Variants in CTNNA2 observed in about 807,000 individuals in gnomAD.
CTNNA2 encodes catenin alpha-2.
In CTNNA2, 42 loss-of-function variants were observed where a neutral mutation model predicts 101.0. The ratio of observed to expected loss-of-function variants is 0.42; its 90% CI spans 0.32 to 0.54. CTNNA2 has a LOEUF of 0.54. CTNNA2 is among the 20% of genes least tolerant of loss of function. The pLI is 0.14. For missense variants in CTNNA2, 871 were observed against 1,223.1 expected, an observed-to-expected ratio of 0.71 and a Z score of 4.29; for synonymous variants, 450 against 456.4, an observed-to-expected ratio of 0.99 and a Z score of 0.18.
intron 1 of CTNNA2, among the ~76,000 whole-genome samples, chr2:79,572,245 GTCTC>G (rs1558739824): frequency 6.6e-6 from 1 of 152,052 alleles, no homozygotes; most frequent in Admixed American, 6.6e-5. Context: ...GAGACTTGTG[GTCTC>G]CACCAGCTTC....
intron 7 of CTNNA2, among the ~76,000 whole-genome samples, chr2:79,951,269 A>G (rs1208801043): frequency 6.6e-6 from 1 of 152,220 alleles, no homozygotes; most frequent in African/African-American, 2.4e-5. Context: ...ATCAAAACAT[A>G]TACACAGCCA....
chr2:80,458,642 C>T (rs1684176311), intron 9 of CTNNA2, among the ~76,000 whole-genome samples: 1 of 152,120 alleles, frequency 6.6e-6, no homozygotes, highest in Non-Finnish European at 1.5e-5. Flanking sequence ...TAGCAGACTG[C>T]TTTCTGAAAA....
At chr2:79,767,894 C>T (rs923785939) in intron 3 of CTNNA2, among the ~76,000 whole-genome samples, 2 of 151,544 alleles carry the variant, frequency 1.3e-5, no homozygotes, top group African/African-American at 4.8e-5. Context: ...GCTGTGCAGC[C>T]TGGGGTTAGA....
chr2:79,858,928 C>T (rs548684995), intron 4 of CTNNA2, among the ~76,000 whole-genome samples: 11 of 151,676 alleles, frequency 7.3e-5, no homozygotes, highest in Non-Finnish European at 1.3e-4. Context: ...TCCTTGACTA[C>T]GGGTCGTTCT....
chr2:80,478,417 G>A (rs1488141058), intron 9 of CTNNA2, among the ~76,000 whole-genome samples: 7 of 151,900 alleles, frequency 4.6e-5, no homozygotes, highest in South Asian at 4.2e-4. Flanking sequence ...ATTTCTTTTC[G>A]TTTTTGTTAC....
intron 15 of CTNNA2, among the ~76,000 whole-genome samples, chr2:80,601,413 C>CTTTTTTTTTTTTTTT (rs1697501313): frequency 1.6e-5 from 1 of 61,856 alleles, no homozygotes; most frequent in African/African-American, 5.7e-5. Flanking sequence ...TTTTTTCTTT[C>CTTTTTTTTTTTTTTT]TTTCTTTCTT....
intron 15 of CTNNA2, among the ~76,000 whole-genome samples, chr2:80,589,889 TGTGTGTGTGTGTGTGTGC>T (rs1479188521): frequency 1.4e-5 from 2 of 147,338 alleles, no homozygotes; most frequent in Admixed American, 6.9e-5. Flanking sequence ...TGTGTGTGTG[TGTGTGTGTGTGTGTGTGC>T]GCGCGCGCGC....
rs543369053 is a variant in CTNNA2, at chr2:80,644,692, C to T, written c.2575-2893C>T. Among the ~76,000 whole-genome samples the T allele has an allele frequency of 6.6e-5, 10 of 152,262 alleles. 1 individual carries two copies. The South Asian group carries it at 1.7e-3, about 25-fold the overall frequency. ...TTTTAAAAGTCAAATTTTGTATTAACTTTAAATTGGGCTTATTGTTTGTGG... is the reference window on the plus strand; with the variant it reads ...TTTTAAAAGTCAAATTTTGTATTAATTTTAAATTGGGCTTATTGTTTGTGG... On this transcript the variant is annotated intron_variant, in intron 18 of 18. Coordinates refer to ENST00000402739, the MANE Select transcript of CTNNA2 (RefSeq NM_001282597.3).
At chr2:80,328,951 C>T (rs1237712632) in intron 7 of CTNNA2, among the ~76,000 whole-genome samples, 3 of 152,134 alleles carry the variant, frequency 2.0e-5, no homozygotes, top group Non-Finnish European at 4.4e-5. Context: ...TGTTCCATTA[C>T]AGTCTTATGG....
intron 7 of CTNNA2, among the ~76,000 whole-genome samples, chr2:80,096,664 G>T (rs1363496384): frequency 6.6e-6 from 1 of 152,052 alleles, no homozygotes; most frequent in Non-Finnish European, 1.5e-5. Flanking sequence ...GGTCACTAAG[G>T]ACTTGCTTTA....
chr2:79,687,034 C>T (rs972851130), intron 2 of CTNNA2, among the ~76,000 whole-genome samples: 21 of 152,218 alleles, frequency 1.4e-4, no homozygotes, highest in African/African-American at 4.3e-4. Flanking sequence ...TCAGACATCA[C>T]TTCATCAATT....
At chr2:79,859,062 C>A (rs1681375993) in intron 4 of CTNNA2, among the ~76,000 whole-genome samples, 1 of 151,836 alleles carries the variant, frequency 6.6e-6, no homozygotes, top group South Asian at 2.1e-4. Context: ...TACTCCATAC[C>A]CTCAGTGAAA....
intron 7 of CTNNA2, among the ~76,000 whole-genome samples, chr2:80,223,635 G>A (rs1383178920): frequency 1.3e-5 from 2 of 152,178 alleles, no homozygotes; most frequent in Non-Finnish European, 1.5e-5. Flanking sequence ...GAACACTCAA[G>A]AGTTCTGTGT....
In CTNNA2 at chr2:80,302,229, G is replaced by T. The variant is rs771868837; in HGVS notation, c.1057-90982G>T. ...TGCCCAGGCGTATTTGGTAGCGCAT[G>T]GGTTGAGAGCCACTGGGACAATCAC... On this transcript the variant is annotated intron_variant, in intron 7 of 18. Transcript: ENST00000402739. The surrounding 1 kb of genome is among the most constrained non-coding windows in gnomAD (Gnocchi z 6.4). The T allele has an allele frequency of 6.2e-7, 1 of 1,602,808 alleles. No individual in the cohort carries two copies. Among genetic ancestry groups the T allele is most frequent in the Non-Finnish European group, 8.5e-7 (1 of 1,174,128 alleles).
At chr2:80,198,580 A>G (rs1573366944) in intron 7 of CTNNA2, among the ~76,000 whole-genome samples, 1 of 152,198 alleles carries the variant, frequency 6.6e-6, no homozygotes, top group African/African-American at 2.4e-5. Context: ...GTGCTTTTCA[A>G]CATTCAATGT....
At chr2:80,434,670 A>T (rs1394381294) in intron 9 of CTNNA2, among the ~76,000 whole-genome samples, 1 of 151,682 alleles carries the variant, frequency 6.6e-6, no homozygotes, top group Admixed American at 6.6e-5. Flanking sequence ...TTTTGCCATG[A>T]TGCCTAGGCT....
chr2:79,392,315 G>A (rs1368738638), intron 4 of CTNNA2, among the ~76,000 whole-genome samples: 1 of 152,146 alleles, frequency 6.6e-6, no homozygotes, highest in African/African-American at 2.4e-5. Flanking sequence ...ATTTTGGGGT[G>A]AGGTTCAAAA....
At chr2:80,138,688 A>G (rs567590687) in intron 7 of CTNNA2, among the ~76,000 whole-genome samples, 10 of 152,258 alleles carry the variant, frequency 6.6e-5, no homozygotes, top group Admixed American at 5.2e-4. Context: ...TCCTGGGACC[A>G]TCTGCATGGT....
chr2:79,469,751 G>T (rs140453995), intron 4 of CTNNA2, among the ~76,000 whole-genome samples: 2 of 152,026 alleles, frequency 1.3e-5, no homozygotes, highest in East Asian at 1.9e-4. Context: ...ACATAATCCG[G>T]CATATAAACA....
Sources: gnomAD v4.1 joint callset for allele counts (sites outside exome capture counted in the v4.1 genomes callset) on GRCh38, gnomAD v4.1.1 for gene constraint, Gnocchi (gnomAD v3.1) non-coding constraint, MANE v1.5 for transcripts, NCBI Gene and HGNC (gene_info 2026-07-23, HGNC 2026-07-21) for gene names.